Variants in SYCP1 observed in about 807,000 individuals in gnomAD.
SYCP1 encodes cancer/testis antigen 8.
Under a neutral mutation model 153.1 loss-of-function variants are expected in SYCP1, and 64 were observed. That is an observed-to-expected ratio of 0.42 (90% CI 0.34 to 0.51). The LOEUF (loss-of-function observed/expected upper bound fraction) is 0.51. Ranked by LOEUF, SYCP1 falls within the 20% of genes least tolerant of loss-of-function variation. SYCP1 has a pLI of 0.06. For synonymous variants in SYCP1, 384 were observed against 341.8 expected, an observed-to-expected ratio of 1.12 and a Z score of -1.36; for missense variants, 997 against 1,049.0, an observed-to-expected ratio of 0.95 and a Z score of 0.68.
At chr1:114,924,113 TG>T (rs917028528) in intron 21 of SYCP1, among the ~76,000 whole-genome samples, 2 of 152,188 alleles carry the variant, frequency 1.3e-5, no homozygotes, top group Non-Finnish European at 2.9e-5. Flanking sequence ...TTCATTTATT[TG>T]GTAGAGAGTA....
rs2101543776 is a variant in SYCP1, at chr1:114,885,522, C to T, written c.911-13C>T. 3 of 1,457,598 alleles carry T rather than the reference C, an allele frequency of 2.1e-6. No homozygotes were observed. The highest frequency in any genetic ancestry group is 2.8e-6 in the Non-Finnish European group (3 of 1,055,740). 90.3% of individuals were successfully genotyped at this position (1,457,598 alleles called of 1,614,324 possible). On this transcript the variant is annotated splice_polypyrimidine_tract_variant and intron_variant, in intron 12 of 31. Coordinates refer to ENST00000369522, the MANE Select transcript of SYCP1 (RefSeq NM_003176.4). ...TCTGCTAAGTACTATCTATTTATAA[C>T]TTTCTCTTTTAGAATTACAGAGTGA...
intron 20 of SYCP1, among the ~76,000 whole-genome samples, chr1:114,918,901 G>A (rs1343583167): frequency 6.6e-6 from 1 of 151,844 alleles, no homozygotes; most frequent in Non-Finnish European, 1.5e-5. Context: ...GCTTTTCCAA[G>A]TATAAGATTA....
intron 23 of SYCP1, among the ~76,000 whole-genome samples, chr1:114,933,169 CA>C (rs1669753479): frequency 6.6e-6 from 1 of 152,122 alleles, no homozygotes; most frequent in African/African-American, 2.4e-5. Flanking sequence ...TGACACCTCA[CA>C]TGGCTGGGTA....
At chr1:114,959,646 T>A (rs2101877158) in intron 27 of SYCP1, among the ~76,000 whole-genome samples, 1 of 152,276 alleles carries the variant, frequency 6.6e-6, no homozygotes, top group Non-Finnish European at 1.5e-5. Flanking sequence ...ATCACCCTAT[T>A]GTGCTATCAA....
At chr1:114,859,271 A>G (rs1664217525) in intron 6 of SYCP1, among the ~76,000 whole-genome samples, 1 of 152,064 alleles carries the variant, frequency 6.6e-6, no homozygotes, top group East Asian at 1.9e-4. Context: ...TATTTTTAGT[A>G]GAGATGGGAT....
At chr1:114,879,747 T>A (rs1218826081) in intron 12 of SYCP1, among the ~76,000 whole-genome samples, 1 of 152,218 alleles carries the variant, frequency 6.6e-6, no homozygotes, top group African/African-American at 2.4e-5. Context: ...TGAAGTGTGT[T>A]CATTTAAGTG....
chr1:114,992,416 A>G (rs1673984029), intron 30 of SYCP1, among the ~76,000 whole-genome samples: 1 of 151,756 alleles, frequency 6.6e-6, no homozygotes, highest in Non-Finnish European at 1.5e-5. Flanking sequence ...GCTAGTAATT[A>G]AAACAGCATA....
intron 20 of SYCP1, among the ~76,000 whole-genome samples, chr1:114,914,804 C>T (rs1363262333): frequency 6.6e-6 from 1 of 152,154 alleles, no homozygotes; most frequent in Admixed American, 6.6e-5. Context: ...GTTGTGCCTG[C>T]AACTTTGTTT....
At chr1:114,908,406 T>A (rs1667958395) in intron 16 of SYCP1, among the ~76,000 whole-genome samples, 1 of 152,190 alleles carries the variant, frequency 6.6e-6, no homozygotes, top group Admixed American at 6.5e-5. Flanking sequence ...TTTAACTTTC[T>A]TCAAATATGG....
chr1:114,941,996 A>T (rs1670421742), intron 23 of SYCP1, among the ~76,000 whole-genome samples: 1 of 152,088 alleles, frequency 6.6e-6, no homozygotes, highest in African/African-American at 2.4e-5. Flanking sequence ...AGGAATACTC[A>T]ACCTCTACTG....
At chr1:114,913,198 C>G (rs768694158) in intron 19 of SYCP1, 48 bp downstream of exon 19, 13 of 1,468,530 alleles carry the variant, frequency 8.9e-6, no homozygotes, top group African/African-American at 2.8e-5. Flanking sequence ...TTCCAATTAG[C>G]AGGTTAGAAT....
intron 23 of SYCP1, among the ~76,000 whole-genome samples, chr1:114,942,767 A>C (rs1190718218): frequency 6.6e-6 from 1 of 151,982 alleles, no homozygotes; most frequent in Non-Finnish European, 1.5e-5. Context: ...CTGGTAGTAA[A>C]GAAAGATTTC....
intron 5 of SYCP1, 34 bp downstream of exon 5, chr1:114,857,531 G>C: frequency 6.7e-7 from 1 of 1,491,884 alleles, no homozygotes; most frequent in South Asian, 1.3e-5. Flanking sequence ...TAAATTTCTT[G>C]TAATTGGAAT....
intron 7 of SYCP1, 95 bp downstream of exon 7, chr1:114,859,905 A>G: frequency 2.7e-6 from 1 of 373,866 alleles, no homozygotes; most frequent in Non-Finnish European, 4.2e-6. Flanking sequence ...CACTTTCTAT[A>G]CGTTATATCA....
At chr1:114,964,217 G>T (rs191991688) in intron 27 of SYCP1, among the ~76,000 whole-genome samples, 295 of 152,178 alleles carry the variant, frequency 1.9e-3, no homozygotes, top group Non-Finnish European at 3.3e-3. Context: ...TTTTGATGGG[G>T]TTGTTTGTTA....
At chr1:114,940,668 A>C (rs1287193545) in intron 23 of SYCP1, among the ~76,000 whole-genome samples, 1 of 152,134 alleles carries the variant, frequency 6.6e-6, no homozygotes, top group Non-Finnish European at 1.5e-5. Context: ...AAATTTATTG[A>C]TATTTGCCTG....
At chr1:114,990,988 G>A (rs558435887) in intron 30 of SYCP1, among the ~76,000 whole-genome samples, 4 of 151,822 alleles carry the variant, frequency 2.6e-5, no homozygotes, top group African/African-American at 4.8e-5. Flanking sequence ...CTTGCCCTAC[G>A]CATCTCTTTA....
chr1:114,911,483 A>G lies in SYCP1; in HGVS notation c.1430A>G (p.Glu477Gly). 6.4e-7 allele frequency: 1 copy of G among 1,550,958 alleles called. No homozygotes were observed. Among genetic ancestry groups the G allele is most frequent in the Non-Finnish European group, 8.7e-7 (1 of 1,153,796 alleles). ...LIGLLQAREK[E>G]VHDLEIQLTA... ...TTATATATGTTTATTTTGCAGAAAG[A>G]AGTACATGATTTGGAAATACAGTTA... Residue 477 changes from glutamate to glycine, a missense_variant, in exon 18 of 32, where the codon GAA (glutamate) becomes GGA (glycine). Coordinates refer to ENST00000369522, the MANE Select transcript of SYCP1 (RefSeq NM_003176.4).
At chr1:114,918,273 C>A (rs1668640596) in intron 20 of SYCP1, among the ~76,000 whole-genome samples, 1 of 152,024 alleles carries the variant, frequency 6.6e-6, no homozygotes, top group Non-Finnish European at 1.5e-5. Context: ...GTGATCTTGG[C>A]ACCTTTGTCA....
Sources: allele counts gnomAD v4.1 joint callset (sites outside exome capture counted in the v4.1 genomes callset), GRCh38; gene constraint gnomAD v4.1.1; transcripts MANE v1.5; gene names NCBI Gene and HGNC (gene_info 2026-07-23, HGNC 2026-07-21).